Variants in FREM2 observed in about 807,000 individuals in gnomAD.
FREM2 encodes FRAS1-related extracellular matrix protein 2.
In FREM2, 119 loss-of-function variants were observed where a neutral mutation model predicts 219.9. The observed-to-expected ratio is 0.54, with a 90% CI of 0.47 to 0.63. The LOEUF is 0.63. FREM2 is among the 30% of genes least tolerant of loss of function. The pLI is 0.00. For missense variants in FREM2, 4,030 were observed against 3,993.6 expected, an observed-to-expected ratio of 1.01 and a Z score of -0.25; for synonymous variants, 1,562 against 1,522.8, an observed-to-expected ratio of 1.03 and a Z score of -0.60.
chr13:38,825,403 A>C (rs1876241425), intron 6 of FREM2, among the ~76,000 whole-genome samples: 1 of 151,824 alleles, frequency 6.6e-6, no homozygotes, highest in Non-Finnish European at 1.5e-5. Flanking sequence ...TATACAAAAA[A>C]ATTAACCACA....
intron 11 of FREM2, among the ~76,000 whole-genome samples, chr13:38,854,302 A>C (rs1877478748): frequency 6.6e-6 from 1 of 152,086 alleles, no homozygotes; most frequent in South Asian, 2.1e-4. Context: ...AATTCTAAGA[A>C]ATTTGGTTTG....
At position 38,807,223 on chromosome 13, in the gene FREM2, ATATATG is replaced by A. The variant is rs1555268814; in HGVS notation, c.6019+22419_6019+22424del. The stretch of plus-strand genomic sequence containing the variant: ...TATATATATATATATATATATATAT[ATATATG>A]TATGGTTTTGTTTTGTTTTGTTTTT... On this transcript the variant is annotated intron_variant, in intron 6 of 23. Transcript: ENST00000280481. Among the ~76,000 whole-genome samples the A allele has an allele frequency of 1.5e-4, 18 of 124,088 alleles. 1 individual carries two copies. The highest frequency in any genetic ancestry group is 1.3e-3 in the East Asian group (4 of 3,118). 81.4% of individuals were successfully genotyped at this position (124,088 alleles called of 152,430 possible).
chr13:38,744,027 G>A (rs942976765), intron 2 of FREM2, among the ~76,000 whole-genome samples: 37 of 151,726 alleles, frequency 2.4e-4, no homozygotes, highest in African/African-American at 8.5e-4. Flanking sequence ...TAAATCCCCC[G>A]AATTCTCATG....
In FREM2 at chr13:38,784,683, T is replaced by C. The variant is rs1363392732; in HGVS notation, c.5894T>C (p.Ile1965Thr). ...DEREKLCRIV[I>T]IDDSLYEEEE... ...CGGGAGAAACTGTGTCGGATAGTCA[T>C]AATTGATGACTCTTTGTACGAGGAG... The change falls in exon 6 of 24, where the codon ATA becomes ACA. Residue 1965 changes from isoleucine (I) to threonine (T), a missense_variant. Around this residue, in one of 2 missense-constraint regions of FREM2, gnomAD observed 3,102 missense variants for 2,950.7 expected, o/e 1.05. Coordinates refer to ENST00000280481, the MANE Select transcript of FREM2 (RefSeq NM_207361.6). 6.2e-6 allele frequency: 10 copies of C among 1,614,188 alleles called. No individual in the cohort carries two copies. The highest frequency in any genetic ancestry group is 8.5e-6 in the Non-Finnish European group (10 of 1,180,016).
intron 15 of FREM2, among the ~76,000 whole-genome samples, chr13:38,862,094 A>G (rs1025436414): frequency 1.3e-5 from 2 of 152,212 alleles, no homozygotes; most frequent in Non-Finnish European, 2.9e-5. Flanking sequence ...ATCATACTTT[A>G]TGAATATTTT....
chr13:38,708,137 A>G (rs1870611970), intron 2 of FREM2, among the ~76,000 whole-genome samples: 1 of 152,214 alleles, frequency 6.6e-6, no homozygotes, highest in South Asian at 2.1e-4. Flanking sequence ...CATGTTAGCC[A>G]TTGACCCCCA....
rs183144097 is a variant in FREM2 at position 38,861,307 on chromosome 13, A to G, written c.7520-124A>G. On this transcript the variant is annotated intron_variant, in intron 14 of 23. Coordinates refer to ENST00000280481, the MANE Select transcript of FREM2 (RefSeq NM_207361.6). ...TATCACGTGATGTACACTCTTAGCCATGCCCTACTCCACAGAGAAGTTGAA... is the reference window on the plus strand; with the variant it reads ...TATCACGTGATGTACACTCTTAGCCGTGCCCTACTCCACAGAGAAGTTGAA... 111 of 925,440 alleles carry G rather than the reference A, an allele frequency of 1.2e-4. 4 individuals carry two copies. The highest frequency in any genetic ancestry group is 4.9e-4 in the Admixed American group (24 of 49,480). 57.3% of individuals were successfully genotyped at this position (925,440 alleles called of 1,614,324 possible). A position where few individuals can be genotyped will look rare whatever the true frequency, so the allele number is the denominator to read the frequency against.
intron 2 of FREM2, among the ~76,000 whole-genome samples, chr13:38,708,822 C>T (rs906495799): frequency 1.3e-5 from 2 of 152,076 alleles, no homozygotes; most frequent in African/African-American, 4.8e-5. Context: ...TGCAATGGTG[C>T]GATCTTGGCT....
At chr13:38,785,694 A>T (rs1248373486) in intron 6 of FREM2, among the ~76,000 whole-genome samples, 1 of 152,174 alleles carries the variant, frequency 6.6e-6, no homozygotes, top group African/African-American at 2.4e-5. Flanking sequence ...GAAGGTGATA[A>T]TGTGTCTTGT....
rs1396920486 is a variant in FREM2 at position 38,691,117 on chromosome 13, T to C, written c.3773T>C (p.Ile1258Thr). 1.2e-6 allele frequency: 2 copies of C among 1,613,992 alleles called. No homozygotes were observed. The highest frequency in any genetic ancestry group is 2.2e-5 in the East Asian group (1 of 44,882). ...GAAAGCTTCACCTTGGATCAGATCATAGAGAGTTCCAGCATTATTTATGAG... is the reference window on the plus strand; with the variant it reads ...GAAAGCTTCACCTTGGATCAGATCACAGAGAGTTCCAGCATTATTTATGAG... Reference protein sequence around the residue: ...LVESFTLDQIIESSSIIYEHD... With the variant: ...LVESFTLDQITESSSIIYEHD... The change falls in exon 1 of 24, where the codon ATA becomes ACA. Residue 1258 changes from isoleucine (I) to threonine (T), a missense_variant. By Grantham distance (89) the Ile-to-Thr change is moderately conservative. This residue lies in a region of FREM2 where 3,102 missense variants were observed against 2,950.7 expected (regional missense o/e 1.05). Transcript: ENST00000280481.
intron 6 of FREM2, among the ~76,000 whole-genome samples, chr13:38,806,843 C>G (rs1420578177): frequency 2.0e-5 from 3 of 151,896 alleles, no homozygotes; most frequent in African/African-American, 7.2e-5. Flanking sequence ...AACTCTGTCA[C>G]TGCTTTATCA....
chr13:38,880,723 G>C lies in FREM2; in HGVS notation c.9446G>C (p.Gly3149Ala), dbSNP rs751751125. 3.7e-6 allele frequency: 6 copies of C among 1,614,190 alleles called. No individual in the cohort carries two copies. The East Asian group carries it at 6.7e-5, about 18-fold the overall frequency. ...TTCAGGGGGAAGGATGCCCCGAAAGGCTCCAGCAGCAGTGAGCCCATGGTG... is the reference window on the plus strand; with the variant it reads ...TTCAGGGGGAAGGATGCCCCGAAAGCCTCCAGCAGCAGTGAGCCCATGGTG... Reference protein sequence around the residue: ...ESFRGKDAPKGSSSSEPMVPP... With the variant: ...ESFRGKDAPKASSSSEPMVPP... Residue 3149 changes from glycine (G) to alanine (A), a missense_variant, in exon 24 of 24, where the codon GGC (glycine) becomes GCC (alanine). By Grantham distance (60) the Gly-to-Ala change is moderately conservative. Coordinates refer to ENST00000280481, the MANE Select transcript of FREM2 (RefSeq NM_207361.6).
chr13:38,690,039 C>T lies in FREM2; in HGVS notation c.2695C>T (p.Arg899Ter), dbSNP rs1297393111. The T allele has an allele frequency of 1.2e-5, 20 of 1,613,688 alleles. No homozygotes were observed. Among genetic ancestry groups the T allele is most frequent in the East Asian group, 2.2e-5 (1 of 44,886 alleles). Residue 899 changes from arginine (R) to a stop codon, truncating the protein, a stop_gained, in exon 1 of 24, where the codon CGA becomes TGA. Coordinates refer to ENST00000280481, the MANE Select transcript of FREM2 (RefSeq NM_207361.6). LOFTEE classifies it high-confidence loss of function. ...CCACTTGGAGGACATAAAACAGGGC[C>T]GAGTTTCCTATGCCCATAATGGGGA... ...LFHLEDIKQG[R>*]VSYAHNGDKS...
chr13:38,878,620 G>A (rs1878434654), intron 22 of FREM2, among the ~76,000 whole-genome samples: 1 of 151,848 alleles, frequency 6.6e-6, no homozygotes, highest in South Asian at 2.1e-4. Flanking sequence ...TTCAATCTAT[G>A]ATCATGCTAC....
Position 38,692,514 on chromosome 13 carries a change from C to T in FREM2, c.5170C>T (p.Gln1724Ter), listed in dbSNP as rs1869937903. ...KGNHSITQFT[Q>*]ADIDDMKICY... The stretch of plus-strand genomic sequence containing the variant: ...CAACCACAGCATCACTCAGTTCACA[C>T]AAGGTATGTTTCATGTTTCTTTTCT... The change falls in exon 1 of 24, where the codon CAA becomes TAA. Residue 1724 changes from glutamine (Q) to a stop codon, truncating the protein, a stop_gained. Transcript: ENST00000280481. LOFTEE classifies it high-confidence loss of function. 1 of 1,609,388 alleles carries T rather than the reference C, an allele frequency of 6.2e-7. No individual in the cohort carries two copies.
chr13:38,782,338 T>TA (rs1874148920), intron 4 of FREM2, among the ~76,000 whole-genome samples: 1 of 152,164 alleles, frequency 6.6e-6, no homozygotes, highest in South Asian at 2.1e-4. Context: ...CATTTTTTTT[T>TA]AACAATTTAC....
chr13:38,853,574 T>C (rs188258922), intron 11 of FREM2, among the ~76,000 whole-genome samples: 1 of 152,302 alleles, frequency 6.6e-6, no homozygotes, highest in African/African-American at 2.4e-5. Context: ...TAGGTATCAC[T>C]GAATCAGTAA....
chr13:38,751,241 G>A (rs867197313), intron 2 of FREM2, among the ~76,000 whole-genome samples: 2 of 142,114 alleles, frequency 1.4e-5, no homozygotes, highest in African/African-American at 5.4e-5. Flanking sequence ...CATAAGGGCT[G>A]TACCAATTTA....
At chr13:38,721,622 G>A (rs1179204409) in intron 2 of FREM2, among the ~76,000 whole-genome samples, 1 of 152,168 alleles carries the variant, frequency 6.6e-6, no homozygotes, top group Non-Finnish European at 1.5e-5. Flanking sequence ...TGAGTTTTAT[G>A]AGAAAGAGCA....
Sources: gnomAD v4.1 joint callset for allele counts (sites outside exome capture counted in the v4.1 genomes callset) on GRCh38, gnomAD v4.1.1 for gene constraint, gnomAD v4.1.1 regional missense constraint, MANE v1.5 for transcripts, NCBI Gene and HGNC (gene_info 2026-07-23, HGNC 2026-07-21) for gene names.